Variants in CTNNA2 observed in about 807,000 individuals in gnomAD.
CTNNA2 encodes the protein catenin alpha 2.
Under a neutral mutation model 101.0 loss-of-function variants are expected in CTNNA2, and 42 were observed. The observed-to-expected ratio is 0.42, with a 90% CI of 0.32 to 0.54. The LOEUF is 0.54. Among genes scored for constraint, CTNNA2 ranks in the 20% least tolerant of loss-of-function variants. The pLI is 0.14. For synonymous variants in CTNNA2, 450 were observed against 456.4 expected (o/e 0.99, Z 0.18); for missense variants, 871 against 1,223.1 (o/e 0.71, Z 4.29).
rs543026210 is a variant in CTNNA2 at position 80,545,420 on chromosome 2, C to G, written c.1383+346C>G. Among the ~76,000 whole-genome samples, 4 of 152,192 alleles carry G rather than the reference C, an allele frequency of 2.6e-5. No individual in the cohort carries two copies. In the South Asian group the frequency reaches 8.3e-4, roughly 32 times the overall value. ...CTAGCTGGGTGTGGTGGGGGCATTC[C>G]TGTAGTCCCAGTTTACTGGGGAGTC... On this transcript the variant is annotated intron_variant, in intron 10 of 18. Transcript: ENST00000402739.
chr2:79,636,269 CAAAAAAAAAAAAAAA>C (rs57739991), intron 1 of CTNNA2, among the ~76,000 whole-genome samples: 2 of 67,260 alleles, frequency 3.0e-5, no homozygotes, highest in African/African-American at 4.7e-5. Context: ...GACTCTGTCT[CAAAAAAAAAAAAAAA>C]AAAAAAAAAA....
intron 1 of CTNNA2, among the ~76,000 whole-genome samples, chr2:79,606,657 C>T (rs1451491144): frequency 1.3e-5 from 2 of 152,056 alleles, no homozygotes; most frequent in Non-Finnish European, 2.9e-5. Context: ...TGAATAAGTC[C>T]ATAAGAATAG....
chr2:79,831,451 A>T (rs1475014627), intron 3 of CTNNA2, among the ~76,000 whole-genome samples: 2 of 152,022 alleles, frequency 1.3e-5, no homozygotes, highest in Non-Finnish European at 2.9e-5. Flanking sequence ...ATTCCTTTTC[A>T]AATACTTTTT....
At chr2:80,260,343 C>T (rs1421721921) in intron 7 of CTNNA2, among the ~76,000 whole-genome samples, 1 of 152,134 alleles carries the variant, frequency 6.6e-6, no homozygotes, top group Non-Finnish European at 1.5e-5. Context: ...GTAGAAGTTG[C>T]TCATGGAGCC....
intron 7 of CTNNA2, among the ~76,000 whole-genome samples, chr2:80,102,661 C>A (rs1406357448): frequency 6.6e-6 from 1 of 152,028 alleles, no homozygotes; most frequent in African/African-American, 2.4e-5. Flanking sequence ...TACAGGCATG[C>A]ACCACACACC....
chr2:80,543,878 T>C (rs1691802531), intron 9 of CTNNA2, among the ~76,000 whole-genome samples: 1 of 152,216 alleles, frequency 6.6e-6, no homozygotes, highest in Non-Finnish European at 1.5e-5. Context: ...TTCTGTCTGC[T>C]AATCACTTGT....
chr2:79,965,491 G>T (rs964777422), intron 7 of CTNNA2, among the ~76,000 whole-genome samples: 21 of 152,020 alleles, frequency 1.4e-4, no homozygotes, highest in Non-Finnish European at 2.6e-4. Context: ...TCACACTATT[G>T]GAAGAATCAA....
intron 9 of CTNNA2, among the ~76,000 whole-genome samples, chr2:80,524,522 A>G (rs1472205668): frequency 6.6e-6 from 1 of 151,974 alleles, no homozygotes; most frequent in Non-Finnish European, 1.5e-5. Flanking sequence ...TTTGGTGCTG[A>G]CTTCCATCCC....
intron 4 of CTNNA2, chr2:79,500,606 A>C (rs1483476875): frequency 6.6e-6 from 1 of 152,206 alleles, no homozygotes; most frequent in African/African-American, 2.4e-5. Context: ...AATACTGAGA[A>C]TAGGGGTATA....
intron 7 of CTNNA2, among the ~76,000 whole-genome samples, chr2:80,239,178 C>A (rs937631125): frequency 7.2e-5 from 11 of 152,104 alleles, no homozygotes; most frequent in Admixed American, 4.6e-4. Context: ...GACGTCTGTT[C>A]TAGATAAAGT....
intron 6 of CTNNA2, among the ~76,000 whole-genome samples, chr2:79,885,627 TAA>T (rs1683800378): frequency 6.6e-6 from 1 of 152,228 alleles, no homozygotes. Context: ...CGATATTTTA[TAA>T]AGTCATTTGA....
At chr2:79,581,231 T>G (rs1676127726) in intron 1 of CTNNA2, among the ~76,000 whole-genome samples, 1 of 152,164 alleles carries the variant, frequency 6.6e-6, no homozygotes, top group Admixed American at 6.6e-5. Flanking sequence ...TTATGAAAAC[T>G]TATTTTAGTT....
chr2:79,952,346 C>T (rs1040817251), intron 7 of CTNNA2, among the ~76,000 whole-genome samples: 9 of 152,142 alleles, frequency 5.9e-5, no homozygotes, highest in South Asian at 2.1e-4. Context: ...CAACAACAAC[C>T]GAAACTTTGC....
At chr2:80,625,388 A>T (rs1303270019) in intron 18 of CTNNA2, among the ~76,000 whole-genome samples, 1 of 152,182 alleles carries the variant, frequency 6.6e-6, no homozygotes, top group African/African-American at 2.4e-5. Context: ...TGGAGGAAAT[A>T]CTATCATCCC....
At chr2:80,524,306 C>T (rs1409807184) in intron 9 of CTNNA2, among the ~76,000 whole-genome samples, 1 of 152,136 alleles carries the variant, frequency 6.6e-6, no homozygotes, top group Non-Finnish European at 1.5e-5. Flanking sequence ...CTCCACATTC[C>T]TTGTTCTCTT....
At chr2:79,987,049 A>G (rs1471382727) in intron 7 of CTNNA2, among the ~76,000 whole-genome samples, 1 of 152,170 alleles carries the variant, frequency 6.6e-6, no homozygotes, top group African/African-American at 2.4e-5. Flanking sequence ...CCCCGGGCCC[A>G]GAGTGCTGTG....
At chr2:79,894,044 CTTCTTCTTCTTCTTCTTCT>C (rs1558619567) in intron 6 of CTNNA2, among the ~76,000 whole-genome samples, 3,869 of 134,824 alleles carry the variant, frequency 0.029, 99 homozygotes, top group Non-Finnish European at 0.045. Context: ...TCTTCTTCTT[CTTCTTCTTCTTCTTCTTCT>C]TCCTCCTCCT....
At chr2:79,886,143 G>A (rs1035102345) in intron 6 of CTNNA2, among the ~76,000 whole-genome samples, 10 of 152,166 alleles carry the variant, frequency 6.6e-5, no homozygotes, top group African/African-American at 1.4e-4. Context: ...TTATGTGTGC[G>A]TAAGGGGGTG....
At chr2:79,645,830 G>A (rs1469861826) in intron 1 of CTNNA2, among the ~76,000 whole-genome samples, 1 of 152,210 alleles carries the variant, frequency 6.6e-6, no homozygotes, top group Non-Finnish European at 1.5e-5. Flanking sequence ...TAATATAACT[G>A]ACTCAACATC....
Sources: allele counts gnomAD v4.1 joint callset (sites outside exome capture counted in the v4.1 genomes callset), GRCh38; gene constraint gnomAD v4.1.1; transcripts MANE v1.5; gene names NCBI Gene and HGNC (gene_info 2026-07-23, HGNC 2026-07-21).